The following CARD14 variants were observed in gnomAD, a reference collection of about 807,000 sequenced individuals.
The protein encoded by CARD14 is caspase recruitment domain family member 14.
Under a neutral mutation model 111.5 loss-of-function variants are expected in CARD14, and 107 were observed. The ratio of observed to expected loss-of-function variants is 0.96; its 90% confidence interval spans 0.82 to 1.13. The LOEUF (loss-of-function observed/expected upper bound fraction) is 1.13, where lower values mean the gene tolerates loss of function less well. Among genes scored for constraint, CARD14 ranks in the 50% most tolerant of loss-of-function variants. The pLI is 0.00. For synonymous variants in CARD14, 617 were observed against 579.6 expected (o/e 1.06, Z -0.93); for missense variants, 1,322 against 1,362.3 (o/e 0.97, Z 0.47).
At position 80,188,694 on chromosome 17, in the gene CARD14, C is replaced by CTCCT; in HGVS notation, c.843+159_843+162dup. 1.3e-6 allele frequency: 1 copy of CTCCT among 749,226 alleles called. No homozygotes were observed. The highest frequency in any genetic ancestry group is 1.9e-6 in the Non-Finnish European group (1 of 534,432). The allele number at this position is 749,226 out of a possible 1,614,324, so 46.4% of individuals were successfully genotyped here. A position where few individuals can be genotyped will look rare whatever the true frequency, so the allele number is the denominator to read the frequency against. ...CTCATCTCACCCACTTTCTCTTTAC[C>CTCCT]TCCTTCCTTCCTGCTGTTCCCCAGA... On this transcript the variant is annotated intron_variant, in intron 8 of 23. Coordinates refer to ENST00000648509, the MANE Select transcript of CARD14 (RefSeq NM_001366385.1). This position sits in a 1 kb window ranked among gnomAD's most constrained non-coding sequence, Gnocchi z 4.5.
intron 1 of CARD14, among the ~76,000 whole-genome samples, chr17:80,172,270 C>T (rs1288539466): frequency 6.6e-6 from 1 of 152,242 alleles, no homozygotes; most frequent in Non-Finnish European, 1.5e-5. Flanking sequence ...CTTGGAACCT[C>T]TAGGCTCAGG....
intron 1 of CARD14, among the ~76,000 whole-genome samples, chr17:80,171,683 G>C (rs1317920262): frequency 4.6e-5 from 7 of 152,182 alleles, no homozygotes; most frequent in Non-Finnish European, 2.9e-5. Flanking sequence ...GTGGCTCTGG[G>C]GGCTCCAGAA....
At position 80,198,146 on chromosome 17, in the gene CARD14, C is replaced by T. The variant is rs1394580727; in HGVS notation, c.1642C>T (p.Leu548Phe). ...SSLQPVSPGR[L>F]DVSESGVLMR... ...CCTGCAGCCAGTCTCCCCTGGAAGGCTTGATGTCTCGGAGAGGTAAGCAGC... is the reference window on the plus strand; with the variant it reads ...CCTGCAGCCAGTCTCCCCTGGAAGGTTTGATGTCTCGGAGAGGTAAGCAGC... Residue 548 changes from leucine to phenylalanine, a missense_variant, in exon 15 of 24, where the codon CTT becomes TTT. Physicochemically the swap from Leu to Phe is conservative, Grantham distance 22 (BLOSUM62 0). Transcript: ENST00000648509. The surrounding 1 kb of genome is among the most constrained non-coding windows in gnomAD (Gnocchi z 7.5). The T allele has an allele frequency of 2.5e-6, 4 of 1,613,904 alleles. No individual in the cohort carries two copies. The highest frequency in any genetic ancestry group is 2.5e-6 in the Non-Finnish European group (3 of 1,180,014).
At chr17:80,183,703 C>T (rs2144179431) in intron 6 of CARD14, among the ~76,000 whole-genome samples, 1 of 152,274 alleles carries the variant, frequency 6.6e-6, no homozygotes, top group South Asian at 2.1e-4. Flanking sequence ...CCTCGGCCCA[C>T]CGGCCCATCT....
chr17:80,184,065 G>A lies in CARD14; in HGVS notation c.502G>A (p.Glu168Lys), dbSNP rs752479739. 1.5e-5 allele frequency: 23 copies of A among 1,585,758 alleles called. No individual in the cohort carries two copies. The highest frequency in any genetic ancestry group is 3.3e-4 in the Middle Eastern group (2 of 6,030). Residue 168 changes from glutamate to lysine, a missense_variant, in exon 7 of 24, where the codon GAG becomes AAG. Coordinates refer to ENST00000648509, the MANE Select transcript of CARD14 (RefSeq NM_001366385.1). ...CCTGGGCCTGGCCGAGACCCGTGCC[G>A]AGGGCCTGCACCAGCTGGAGGCTGA... ...EHLGLAETRA[E>K]GLHQLEADHS...
chr17:80,205,900 A>G (rs1348822057), intron 22 of CARD14: 4 of 410,304 alleles, frequency 9.7e-6, no homozygotes, highest in Non-Finnish European at 1.7e-5. Flanking sequence ...TGTTTAATAG[A>G]TATTTGTTCG....
chr17:80,208,000 A>G (rs1303095023), intron 23 of CARD14, 138 bp from the exon 24 acceptor site: 17 of 582,582 alleles, frequency 2.9e-5, no homozygotes, highest in Non-Finnish European at 4.9e-5. Flanking sequence ...CCTGGGGCCT[A>G]TTTTCTTTAC....
intron 14 of CARD14, chr17:80,197,191 G>T (rs1162894008): frequency 1.3e-5 from 2 of 152,044 alleles, no homozygotes; most frequent in African/African-American, 4.8e-5. Flanking sequence ...GCGAGACTCA[G>T]TCTCAACAAC....
chr17:80,189,645 C>T lies in CARD14; in HGVS notation c.844-108C>T, dbSNP rs1320155814. On this transcript the variant is annotated intron_variant, in intron 8 of 23. Coordinates refer to ENST00000648509, the MANE Select transcript of CARD14 (RefSeq NM_001366385.1). The surrounding 1 kb of genome is among the most constrained non-coding windows in gnomAD (Gnocchi z 4.7). ...CGGTGTAGAGTGGCAAGACTGCATCCGTCCACACACCTGACCGTGCAGTTG... is the reference window on the plus strand; with the variant it reads ...CGGTGTAGAGTGGCAAGACTGCATCTGTCCACACACCTGACCGTGCAGTTG... The T allele has an allele frequency of 1.5e-5, 20 of 1,312,624 alleles. No homozygotes were observed. In the South Asian group the frequency reaches 2.8e-4, roughly 18 times the overall value. The allele number at this position is 1,312,624 out of a possible 1,614,324, so 81.3% of individuals were successfully genotyped here.
intron 1 of CARD14, among the ~76,000 whole-genome samples, chr17:80,172,062 G>A (rs2039914762): frequency 6.6e-6 from 1 of 152,240 alleles, no homozygotes; most frequent in African/African-American, 2.4e-5. Flanking sequence ...AGCTGGAGAT[G>A]TGGCCCCTTG....
rs772724904 is a variant in CARD14, at chr17:80,198,071, G to A, written c.1595-28G>A. ...GCCCCATCAGCAGTGGGGTGACCAAGATCTGTGAGCTCTTGGCTTCCTCCC... is the reference window on the plus strand; with the variant it reads ...GCCCCATCAGCAGTGGGGTGACCAAAATCTGTGAGCTCTTGGCTTCCTCCC... On this transcript the variant is annotated intron_variant, in intron 14 of 23. Transcript: ENST00000648509. The surrounding 1 kb of genome is among the most constrained non-coding windows in gnomAD (Gnocchi z 7.5). The A allele has an allele frequency of 6.2e-7, 1 of 1,612,946 alleles. No homozygotes were observed. Among genetic ancestry groups the A allele is most frequent in the East Asian group, 2.2e-5 (1 of 44,872 alleles).
At chr17:80,181,376 C>A in intron 4 of CARD14, 43 bp from the exon 5 acceptor site, 1 of 1,460,368 alleles carries the variant, frequency 6.8e-7, no homozygotes, top group Non-Finnish European at 9.3e-7. Context: ...ATCCTGGGGT[C>A]CTGCTTACCT....
chr17:80,196,509 A>T (rs1180229508), intron 14 of CARD14: 1 of 152,220 alleles, frequency 6.6e-6, no homozygotes, highest in African/African-American at 2.4e-5. Context: ...ATTGACCTCA[A>T]ATACATCCAG....
chr17:80,188,308 A>G lies in CARD14; in HGVS notation c.676-69A>G, dbSNP rs750094571. 30 of 1,474,666 alleles carry G rather than the reference A, an allele frequency of 2.0e-5. No individual in the cohort carries two copies. Among genetic ancestry groups the G allele is most frequent in the Non-Finnish European group, 2.6e-5 (29 of 1,099,820 alleles). 91.3% of individuals were successfully genotyped at this position (1,474,666 alleles called of 1,614,324 possible). ...GCATCATTAGGAGGAAGGGTGAGAA[A>G]TGCCCCCAGCTCCTGATCAGGGGAG... On this transcript the variant is annotated intron_variant, in intron 7 of 23. Transcript: ENST00000648509. This position sits in a 1 kb window ranked among gnomAD's most constrained non-coding sequence, Gnocchi z 4.5.
In CARD14 at chr17:80,198,660, C is replaced by T; in HGVS notation, c.1851+69C>T. On this transcript the variant is annotated intron_variant, in intron 16 of 23. Transcript: ENST00000648509. This position sits in a 1 kb window ranked among gnomAD's most constrained non-coding sequence, Gnocchi z 7.5. ...GGACAGTGGCAGCGGGTGGGGTGAC[C>T]CAGGCAGACTTCACCTCCCCCAGAC... 1.9e-6 allele frequency: 3 copies of T among 1,608,126 alleles called. No individual in the cohort carries two copies. The highest frequency in any genetic ancestry group is 2.5e-6 in the Non-Finnish European group (3 of 1,179,442).
intron 12 of CARD14, among the ~76,000 whole-genome samples, chr17:80,193,894 C>T (rs142275961): frequency 6.6e-6 from 1 of 152,264 alleles, no homozygotes; most frequent in Non-Finnish European, 1.5e-5. Flanking sequence ...CAGAGGCCAG[C>T]CGTGTTTCCC....
intron 18 of CARD14, 151 bp downstream of exon 18, chr17:80,202,571 A>C: frequency 6.9e-7 from 1 of 1,440,874 alleles, no homozygotes; most frequent in South Asian, 1.4e-5. Flanking sequence ...ATCACTGCTG[A>C]AGATGTTGTT....
rs377564839 is a variant in CARD14 at position 80,204,999 on chromosome 17, C to G, written c.2399-36C>G. 2.8e-4 allele frequency: 426 copies of G among 1,508,036 alleles called. 2 individuals are homozygous for G. In the African/African-American group the frequency reaches 5.2e-3, roughly 18 times the overall value. The allele number at this position is 1,508,036 out of a possible 1,614,324, so 93.4% of individuals were successfully genotyped here. A position where few individuals can be genotyped will look rare whatever the true frequency, so the allele number is the denominator to read the frequency against. ...AGGGTAGGCTGGCTGGGGGCTGCCG[C>G]AGCCTCACCCACCCTCAGGATCCTC... On this transcript the variant is annotated intron_variant, in intron 20 of 23. Transcript: ENST00000648509.
rs1178108435 is a variant in CARD14 at position 80,201,473 on chromosome 17, G to T, written c.1852-271G>T. The stretch of plus-strand genomic sequence containing the variant: ...TCTTTTCTTTTCTTTTTCAAGACAG[G>T]AAAGTGCTTATCACAAAGAACCCCC... On this transcript the variant is annotated intron_variant, in intron 16 of 23. Transcript: ENST00000648509. This position sits in a 1 kb window ranked among gnomAD's most constrained non-coding sequence, Gnocchi z 5.0. 1 of 474,324 alleles carries T rather than the reference G, an allele frequency of 2.1e-6. No homozygotes were observed. 29.4% of individuals were successfully genotyped at this position (474,324 alleles called of 1,614,324 possible).
Sources: gnomAD v4.1 joint callset for allele counts (sites outside exome capture counted in the v4.1 genomes callset) on GRCh38, gnomAD v4.1.1 for gene constraint, Gnocchi (gnomAD v3.1) non-coding constraint, MANE v1.5 for transcripts, NCBI Gene and HGNC (gene_info 2026-07-23, HGNC 2026-07-21) for gene names.